Variants in EYS observed in about 807,000 individuals in gnomAD.
EYS encodes the protein EGF-like photoreceptor maintenance factor, also known as protein eyes shut homolog.
Under a neutral mutation model 282.1 loss-of-function variants are expected in EYS, and 250 were observed. The ratio of observed to expected loss-of-function variants is 0.89; its 90% CI spans 0.80 to 0.98. The LOEUF is 0.98. EYS is among the 50% of genes least tolerant of loss of function. The pLI is 0.00. For missense variants in EYS, 4,016 were observed against 3,709.0 expected, an observed-to-expected ratio of 1.08 and a Z score of -2.15; for synonymous variants, 1,355 against 1,282.9, an observed-to-expected ratio of 1.06 and a Z score of -1.20.
intron 26 of EYS, among the ~76,000 whole-genome samples, chr6:64,465,946 C>T (rs1406507221): frequency 2.6e-5 from 4 of 151,914 alleles, no homozygotes; most frequent in Non-Finnish European, 5.9e-5. Context: ...GAGTAAAGGG[C>T]ATGAATAGAC....
intron 19 of EYS, among the ~76,000 whole-genome samples, chr6:64,857,214 G>T (rs2150045948): frequency 6.6e-6 from 1 of 152,190 alleles, no homozygotes; most frequent in Non-Finnish European, 1.5e-5. Context: ...TCTAATACAT[G>T]CACTGAATGC....
intron 34 of EYS, among the ~76,000 whole-genome samples, chr6:63,997,724 T>C (rs1243724244): frequency 2.0e-5 from 3 of 152,230 alleles, no homozygotes; most frequent in Admixed American, 1.3e-4. Context: ...GCTATAAATA[T>C]GTCATATTTA....
chr6:65,451,700 A>T (rs1020735939), intron 5 of EYS, among the ~76,000 whole-genome samples: 6 of 151,836 alleles, frequency 4.0e-5, no homozygotes, highest in African/African-American at 1.5e-4. Context: ...TATGAAACAC[A>T]CTGTTTTTTT....
chr6:64,964,952 G>C (rs911152084), intron 14 of EYS, among the ~76,000 whole-genome samples: 1 of 152,076 alleles, frequency 6.6e-6, no homozygotes, highest in Non-Finnish European at 1.5e-5. Context: ...AGAATCACTT[G>C]AACCTGGGAA....
intron 26 of EYS, among the ~76,000 whole-genome samples, chr6:64,521,710 G>A (rs1354088022): frequency 6.6e-6 from 1 of 151,654 alleles, no homozygotes. Flanking sequence ...ATCTAATTTG[G>A]CACTTCTTAT....
chr6:64,692,574 T>C (rs1479403610), intron 22 of EYS, among the ~76,000 whole-genome samples: 1 of 152,200 alleles, frequency 6.6e-6, no homozygotes, highest in Non-Finnish European at 1.5e-5. Flanking sequence ...ACTTTCTAGG[T>C]TGTCTTCCAG....
At chr6:63,997,671 A>G (rs1324389490) in intron 34 of EYS, among the ~76,000 whole-genome samples, 1 of 152,130 alleles carries the variant, frequency 6.6e-6, no homozygotes, top group Non-Finnish European at 1.5e-5. Flanking sequence ...TCGGTATTTC[A>G]TTTCGTCAGC....
At chr6:64,683,622 G>GTT (rs200329006) in intron 22 of EYS, among the ~76,000 whole-genome samples, 2,420 of 152,254 alleles carry the variant, frequency 0.016, 66 homozygotes, top group African/African-American at 0.056. Flanking sequence ...AGGAGATAAA[G>GTT]AATAGGGCAG....
At chr6:64,242,592 C>G (rs531530236) in intron 30 of EYS, among the ~76,000 whole-genome samples, 2 of 151,956 alleles carry the variant, frequency 1.3e-5, no homozygotes, top group East Asian at 3.9e-4. Context: ...CTCTCAGCCC[C>G]AATTTTTTCC....
intron 26 of EYS, among the ~76,000 whole-genome samples, chr6:64,527,166 CTGAATA>C (rs1777948549): frequency 6.6e-6 from 1 of 151,726 alleles, no homozygotes; most frequent in Admixed American, 6.6e-5. Flanking sequence ...TAGAGATTTA[CTGAATA>C]TTTCCACAGT....
At chr6:64,936,045 G>A (rs1768894958) in intron 15 of EYS, among the ~76,000 whole-genome samples, 1 of 151,504 alleles carries the variant, frequency 6.6e-6, no homozygotes, top group East Asian at 1.9e-4. Flanking sequence ...ATTCCTTCAT[G>A]AAGTACTAGC....
chr6:64,144,390 T>A (rs1016154355), intron 31 of EYS, among the ~76,000 whole-genome samples: 3 of 152,176 alleles, frequency 2.0e-5, no homozygotes, highest in Admixed American at 6.6e-5. Flanking sequence ...AAGAGAAAAC[T>A]CTTCCAAAAG....
At chr6:64,313,024 CA>C (rs1193459172) in intron 29 of EYS, among the ~76,000 whole-genome samples, 1 of 152,168 alleles carries the variant, frequency 6.6e-6, no homozygotes, top group East Asian at 1.9e-4. Flanking sequence ...ACTGGATGAA[CA>C]ATGAGTTTGA....
intron 41 of EYS, among the ~76,000 whole-genome samples, chr6:63,727,731 A>AT (rs1193647054): frequency 2.0e-3 from 119 of 58,266 alleles, no homozygotes; most frequent in Non-Finnish European, 3.0e-3. Context: ...AAAAAAAAAA[A>AT]AAAAAAATAT....
chr6:64,861,256 G>A (rs1766228191), intron 19 of EYS, among the ~76,000 whole-genome samples: 1 of 152,222 alleles, frequency 6.6e-6, no homozygotes. Context: ...GAGGCGGCAG[G>A]GGACTGGCAT....
intron 16 of EYS, among the ~76,000 whole-genome samples, chr6:64,905,205 C>T (rs1158164917): frequency 6.6e-6 from 1 of 152,148 alleles, no homozygotes; most frequent in Non-Finnish European, 1.5e-5. Flanking sequence ...TAGGATATAT[C>T]CCCATTTTTA....
At chr6:63,823,495 A>G (rs1373020842) in intron 36 of EYS, among the ~76,000 whole-genome samples, 5 of 152,134 alleles carry the variant, frequency 3.3e-5, no homozygotes, top group African/African-American at 1.2e-4. Flanking sequence ...ATTTTCTCCA[A>G]GTTTCAAAGT....
chr6:65,303,215 C>CA (rs1562083908), intron 11 of EYS: 15 of 710,042 alleles, frequency 2.1e-5, no homozygotes, highest in Non-Finnish European at 3.4e-5. Flanking sequence ...ATCTGAGGAG[C>CA]AAGGTGAGGG....
In EYS at chr6:63,907,842, T is replaced by C. The variant is rs188255757; in HGVS notation, c.7056-43484A>G. 6.4e-4 allele frequency among the ~76,000 whole-genome samples: 98 copies of C among 151,994 alleles called. 1 individual carries two copies. Among genetic ancestry groups the C allele is most frequent in the Non-Finnish European group, 1.3e-3 (86 of 67,958 alleles). On this transcript the variant is annotated intron_variant, in intron 35 of 42. Transcript: ENST00000503581. ...TGTTCATGTGTATACATTATTTAGC[T>C]CCCACTTATAAGTGAGAACATGTAA...
Sources: gnomAD v4.1 joint callset for allele counts (sites outside exome capture counted in the v4.1 genomes callset) on GRCh38, gnomAD v4.1.1 for gene constraint, MANE v1.5 for transcripts, NCBI Gene and HGNC (gene_info 2026-07-23, HGNC 2026-07-21) for gene names.